Variants in INTS9 observed in about 807,000 individuals in gnomAD.
INTS9 encodes protein related to CPSF subunits of 74 kDa.
Under a neutral mutation model 79.7 loss-of-function variants are expected in INTS9, and 55 were observed. The observed-to-expected ratio is 0.69, with a 90% CI of 0.56 to 0.86. The LOEUF (loss-of-function observed/expected upper bound fraction) is 0.86, where lower values mean the gene tolerates loss of function less well. INTS9 is among the 40% of genes least tolerant of loss of function. The pLI, the probability that INTS9 is intolerant of heterozygous loss-of-function variation, is 0.00. For missense variants in INTS9, 721 were observed against 831.5 expected, an observed-to-expected ratio of 0.87 and a Z score of 1.64; for synonymous variants, 319 against 325.2, an observed-to-expected ratio of 0.98 and a Z score of 0.20.
intron 4 of INTS9, among the ~76,000 whole-genome samples, chr8:28,838,429 C>T (rs1806951979): frequency 6.6e-6 from 1 of 152,018 alleles, no homozygotes; most frequent in Non-Finnish European, 1.5e-5. Flanking sequence ...GACAGGTTAG[C>T]ATGTGAGGGA....
At chr8:28,811,128 CTTT>C (rs34004264) in intron 8 of INTS9, among the ~76,000 whole-genome samples, 13 of 142,176 alleles carry the variant, frequency 9.1e-5, no homozygotes, top group East Asian at 2.1e-4. Flanking sequence ...CTTTCTCTCT[CTTT>C]TTTTTTTTTT....
At chr8:28,828,113 C>CT (rs1363698671) in intron 6 of INTS9, among the ~76,000 whole-genome samples, 20 of 152,176 alleles carry the variant, frequency 1.3e-4, no homozygotes, top group African/African-American at 2.7e-4. Context: ...CTCTGGACAT[C>CT]TTTTAGAACT....
At chr8:28,793,666 G>T in intron 10 of INTS9, 141 bp downstream of exon 10, 1 of 807,640 alleles carries the variant, frequency 1.2e-6, no homozygotes, top group Non-Finnish European at 1.9e-6. Context: ...TTTTAATAAT[G>T]CAATCTTATC....
intron 10 of INTS9, 100 bp downstream of exon 10, chr8:28,793,707 C>T (rs553855783): frequency 3.6e-6 from 4 of 1,100,928 alleles, no homozygotes; most frequent in Admixed American, 2.9e-5. Context: ...ATGAAATTTC[C>T]ACAGTAATGT....
At chr8:28,876,648 G>A (rs1585522646) in intron 1 of INTS9, among the ~76,000 whole-genome samples, 2 of 151,896 alleles carry the variant, frequency 1.3e-5, no homozygotes, top group South Asian at 2.1e-4. Context: ...CATTCTGCAC[G>A]TATAAGCCAC....
chr8:28,869,389 T>A (rs1335683103), intron 1 of INTS9, among the ~76,000 whole-genome samples: 2 of 152,138 alleles, frequency 1.3e-5, no homozygotes, highest in African/African-American at 4.8e-5. Flanking sequence ...CTTCCAGAGC[T>A]TGTAAACTTT....
At chr8:28,823,881 T>TAGC (rs1399424444) in intron 6 of INTS9, among the ~76,000 whole-genome samples, 1 of 152,108 alleles carries the variant, frequency 6.6e-6, no homozygotes, top group Non-Finnish European at 1.5e-5. Flanking sequence ...TTAACCAGAG[T>TAGC]AGCACATATG....
At chr8:28,781,928 T>A (rs1310684258) in intron 11 of INTS9, among the ~76,000 whole-genome samples, 1 of 152,062 alleles carries the variant, frequency 6.6e-6, no homozygotes, top group Non-Finnish European at 1.5e-5. Flanking sequence ...AACTCTGGGC[T>A]TTGGGCGAGA....
intron 8 of INTS9, among the ~76,000 whole-genome samples, chr8:28,806,287 T>C (rs183556789): frequency 1.5e-4 from 23 of 152,292 alleles, no homozygotes; most frequent in African/African-American, 5.3e-4. Context: ...AAAAGCCTCT[T>C]AGCTTTTAAT....
chr8:28,861,234 A>C (rs1219217375), intron 1 of INTS9, among the ~76,000 whole-genome samples: 2 of 152,160 alleles, frequency 1.3e-5, no homozygotes, highest in East Asian at 1.9e-4. Flanking sequence ...GATTACAGAA[A>C]ATTTTTTCCT....
At chr8:28,783,704 GATGGAATATGAATAGTAA>G (rs1803429292) in intron 11 of INTS9, 1 of 152,234 alleles carries the variant, frequency 6.6e-6, no homozygotes, top group South Asian at 2.1e-4. Flanking sequence ...CGCATGCTTG[GATGGAATATGAATAGTAA>G]AGCCGGAGCA....
intron 14 of INTS9, among the ~76,000 whole-genome samples, chr8:28,774,753 T>C (rs1802769863): frequency 6.6e-6 from 1 of 152,078 alleles, no homozygotes; most frequent in East Asian, 1.9e-4. Flanking sequence ...TTTTCCTGTC[T>C]GTTGAAAACA....
intron 1 of INTS9, among the ~76,000 whole-genome samples, chr8:28,887,972 G>C (rs1435299388): frequency 6.6e-6 from 1 of 152,124 alleles, no homozygotes; most frequent in African/African-American, 2.4e-5. Flanking sequence ...CCTCACTAAT[G>C]AGTTGTTATG....
At chr8:28,881,465 C>T (rs1202313625) in intron 1 of INTS9, among the ~76,000 whole-genome samples, 114 of 127,874 alleles carry the variant, frequency 8.9e-4, no homozygotes, top group African/African-American at 2.9e-3. Flanking sequence ...CCGCCCCGTC[C>T]GGGAGGGGGG....
chr8:28,810,731 A>G (rs933647887), intron 8 of INTS9, among the ~76,000 whole-genome samples: 2 of 152,188 alleles, frequency 1.3e-5, no homozygotes, highest in African/African-American at 4.8e-5. Flanking sequence ...TATTACAAAC[A>G]TAGAAATAAC....
intron 1 of INTS9, among the ~76,000 whole-genome samples, chr8:28,875,266 C>G (rs576149145): frequency 6.6e-6 from 1 of 152,114 alleles, no homozygotes; most frequent in Non-Finnish European, 1.5e-5. Context: ...TTTTTGTACA[C>G]ACTGCTACAG....
At chr8:28,806,385 T>C (rs969405837) in intron 8 of INTS9, among the ~76,000 whole-genome samples, 2 of 152,182 alleles carry the variant, frequency 1.3e-5, no homozygotes, top group Non-Finnish European at 2.9e-5. Flanking sequence ...CATGAATATA[T>C]GGACTCCTGA....
chr8:28,841,134 A>G (rs1395425761), intron 4 of INTS9, among the ~76,000 whole-genome samples: 1 of 152,160 alleles, frequency 6.6e-6, no homozygotes, highest in Admixed American at 6.5e-5. Flanking sequence ...GTCATAAGCC[A>G]CTCAGTGCCA....
Position 28,770,991 on chromosome 8 carries a change from G to A in INTS9, c.1653C>T (p.His551=), listed in dbSNP as rs760806607. The stretch of plus-strand genomic sequence containing the variant: ...ACCCAGCACCCCCTACCTGAAGCAA[G>A]TGCTTGTTATCTTTGGTGTGCAGCA... ...SAVLHTKDNK[H]LLQPPPRPAQ... Residue 551 remains histidine (H), a synonymous_variant, in exon 15 of 17, where the codon CAC becomes CAT. Transcript: ENST00000521022. 1.2e-6 allele frequency: 2 copies of A among 1,613,168 alleles called. No homozygotes were observed. The highest frequency in any genetic ancestry group is 1.7e-6 in the Non-Finnish European group (2 of 1,179,798).
Sources: allele counts gnomAD v4.1 joint callset (sites outside exome capture counted in the v4.1 genomes callset), GRCh38; gene constraint gnomAD v4.1.1; transcripts MANE v1.5; gene names NCBI Gene and HGNC (gene_info 2026-07-23, HGNC 2026-07-21).